Variants in PRUNE2 observed in about 807,000 individuals in gnomAD.
PRUNE2 encodes the protein protein prune homolog 2.
PRUNE2 carries 164 observed loss-of-function variants against 252.0 expected under a neutral mutation model. The observed-to-expected ratio is 0.65, with a 90% CI of 0.57 to 0.74. The LOEUF (loss-of-function observed/expected upper bound fraction) is 0.74, where lower values mean the gene tolerates loss of function less well. PRUNE2 is among the 30% of genes least tolerant of loss of function. PRUNE2 has a pLI of 0.00. For missense variants in PRUNE2, 3,495 were observed against 3,711.0 expected (o/e 0.94, Z 1.51); for synonymous variants, 1,292 against 1,350.2 (o/e 0.96, Z 0.94).
rs1440978562 is a variant in PRUNE2, at chr9:76,613,658, T to C, written c.*912A>G. ...ATTTTGTACATGAAAGTAATACTCA[T>C]ATTTAATTTTAAGCCTATGATCAGA... On this transcript the variant is annotated 3_prime_UTR_variant, in exon 19 of 19. Coordinates refer to ENST00000376718, the MANE Select transcript of PRUNE2 (RefSeq NM_015225.3). 6.6e-6 allele frequency: 1 copy of C among 152,192 alleles called. No homozygotes were observed. Among genetic ancestry groups the C allele is most frequent in the African/African-American group, 2.4e-5 (1 of 41,446 alleles). 9.4% of individuals were successfully genotyped at this position (152,192 alleles called of 1,614,324 possible).
chr9:76,818,385 A>G (rs2057823654), intron 6 of PRUNE2, among the ~76,000 whole-genome samples: 1 of 152,162 alleles, frequency 6.6e-6, no homozygotes, highest in Non-Finnish European at 1.5e-5. Flanking sequence ...TTTAGCAGTG[A>G]TCTTGGGAAT....
chr9:76,634,947 C>T (rs1405473244), intron 15 of PRUNE2, among the ~76,000 whole-genome samples: 1 of 152,088 alleles, frequency 6.6e-6, no homozygotes, highest in Non-Finnish European at 1.5e-5. Context: ...ATAAGTGGCT[C>T]TTTGTATACC....
At chr9:76,697,664 G>A (rs540785969) in intron 9 of PRUNE2, among the ~76,000 whole-genome samples, 2 of 152,320 alleles carry the variant, frequency 1.3e-5, no homozygotes, top group African/African-American at 4.8e-5. Context: ...ACCTATAGAA[G>A]CAGCTCAAGA....
At chr9:76,660,781 C>CAAAAAAAAA (rs11432174) in intron 9 of PRUNE2, among the ~76,000 whole-genome samples, 86 of 100,370 alleles carry the variant, frequency 8.6e-4, no homozygotes, top group Non-Finnish European at 1.2e-3. Flanking sequence ...GACTCTGAAT[C>CAAAAAAAAA]AAAAAAAAAA....
intron 6 of PRUNE2, among the ~76,000 whole-genome samples, chr9:76,774,012 T>C (rs1427557132): frequency 6.6e-6 from 1 of 152,198 alleles, no homozygotes; most frequent in Non-Finnish European, 1.5e-5. Flanking sequence ...TCTTCAGGGC[T>C]AGGAAAGGAC....
At chr9:76,832,874 G>A (rs559149632) in intron 4 of PRUNE2, among the ~76,000 whole-genome samples, 33 of 151,906 alleles carry the variant, frequency 2.2e-4, no homozygotes, top group Middle Eastern at 3.4e-3. Flanking sequence ...TAGATTCTAC[G>A]GACATTAAAA....
At chr9:76,644,706 C>T in intron 12 of PRUNE2, 33 bp downstream of exon 12, 1 of 1,604,154 alleles carries the variant, frequency 6.2e-7, no homozygotes, top group Non-Finnish European at 8.5e-7. Context: ...CTGCCCCTTC[C>T]CCATTTCCCA....
intron 4 of PRUNE2, among the ~76,000 whole-genome samples, chr9:76,835,457 T>C (rs1276588631): frequency 6.6e-6 from 1 of 152,238 alleles, no homozygotes; most frequent in African/African-American, 2.4e-5. Flanking sequence ...CCTCTTTTTA[T>C]ACTGCCTACT....
In PRUNE2 at chr9:76,711,142, G is replaced by C. The variant is rs185829648; in HGVS notation, c.1132C>G (p.Leu378Val). ...STEAVAGSAP[L>V]SQGSSGIMEL... Reference sequence around the variant, plus strand: ...ATAATCCCAGAAGACCCCTGGGAGAGGGGGGCACTGCCTGCCACGGCTTCT... The same window carrying C: ...ATAATCCCAGAAGACCCCTGGGAGACGGGGGCACTGCCTGCCACGGCTTCT... The change falls in exon 8 of 19, where the codon CTC becomes GTC. Residue 378 changes from leucine to valine, a missense_variant. Leu to Val is a conservative substitution (Grantham distance 32, BLOSUM62 1). Transcript: ENST00000376718. 5.9e-3 allele frequency: 9,567 copies of C among 1,613,778 alleles called. 38 individuals carry two copies. The highest frequency in any genetic ancestry group is 7.2e-3 in the Non-Finnish European group (8,468 of 1,179,732).
intron 17 of PRUNE2, among the ~76,000 whole-genome samples, chr9:76,620,195 A>C (rs927207406): frequency 2.0e-5 from 3 of 148,652 alleles, no homozygotes; most frequent in South Asian, 2.1e-4. Context: ...GCTGAAGTGC[A>C]GTGGCACTAT....
chr9:76,723,441 C>CTA (rs1194353076), intron 6 of PRUNE2, among the ~76,000 whole-genome samples: 4 of 152,144 alleles, frequency 2.6e-5, no homozygotes, highest in African/African-American at 9.7e-5. Context: ...CTCAGAGAAA[C>CTA]TAGAAATTAG....
At chr9:76,730,364 A>G (rs376812355) in intron 6 of PRUNE2, among the ~76,000 whole-genome samples, 1 of 152,238 alleles carries the variant, frequency 6.6e-6, no homozygotes, top group South Asian at 2.1e-4. Flanking sequence ...GAAAAAAGAT[A>G]CATATAATCT....
At chr9:76,673,509 AT>A (rs1235292394) in intron 9 of PRUNE2, among the ~76,000 whole-genome samples, 2 of 114,802 alleles carry the variant, frequency 1.7e-5, no homozygotes, top group East Asian at 4.7e-4. Flanking sequence ...TTCTGAAACT[AT>A]TCCAATCAAT....
intron 1 of PRUNE2, 113 bp downstream of exon 1, chr9:76,905,815 A>G: frequency 1.4e-6 from 2 of 1,390,648 alleles, no homozygotes; most frequent in East Asian, 2.3e-5. Context: ...GCACACCCTG[A>G]TAACTCCGTG....
At chr9:76,845,000 T>TAAAAAAA (rs55754002) in intron 4 of PRUNE2, among the ~76,000 whole-genome samples, 2 of 60,752 alleles carry the variant, frequency 3.3e-5, no homozygotes, top group African/African-American at 1.2e-4. Flanking sequence ...CCCCCTCTCT[T>TAAAAAAA]AAAAAAAAAA....
chr9:76,640,507 A>T (rs975019138), intron 12 of PRUNE2, among the ~76,000 whole-genome samples: 11 of 152,222 alleles, frequency 7.2e-5, no homozygotes, highest in Admixed American at 7.2e-4. Flanking sequence ...CTACCTATGT[A>T]AGTATTCAAC....
intron 6 of PRUNE2, among the ~76,000 whole-genome samples, chr9:76,752,415 T>C (rs538204491): frequency 2.6e-4 from 39 of 152,246 alleles, no homozygotes; most frequent in Middle Eastern, 3.4e-3. Context: ...AATTCTTAAA[T>C]GCCTTATACC....
In PRUNE2 at chr9:76,888,017, G is replaced by A. The variant is rs116395587; in HGVS notation, c.36+17911C>T. ...AAGAGAAACAGAATTCTGTGTTAAG[G>A]GAAAAGGAATAGAAAAGCACAAAAG... On this transcript the variant is annotated intron_variant, in intron 1 of 18. Transcript: ENST00000376718. Among the ~76,000 whole-genome samples, 372 of 152,234 alleles carry A rather than the reference G, an allele frequency of 2.4e-3. 2 individuals are homozygous for A. Among genetic ancestry groups the A allele is most frequent in the African/African-American group, 8.3e-3 (346 of 41,540 alleles).
At chr9:76,633,901 C>T (rs2132491322) in intron 15 of PRUNE2, among the ~76,000 whole-genome samples, 1 of 152,174 alleles carries the variant, frequency 6.6e-6, no homozygotes, top group South Asian at 2.1e-4. Context: ...TTGCTTGAGC[C>T]TAGGAGTTTG....
Sources: allele counts gnomAD v4.1 joint callset (sites outside exome capture counted in the v4.1 genomes callset), GRCh38; gene constraint gnomAD v4.1.1; transcripts MANE v1.5; gene names NCBI Gene and HGNC (gene_info 2026-07-23, HGNC 2026-07-21).